NIBAN1: variants seen among roughly 807,000 people sequenced by gnomAD.
NIBAN1 encodes protein Niban 1.
NIBAN1 carries 81 observed loss-of-function variants against 75.1 expected under a neutral mutation model. That is an observed-to-expected ratio of 1.08 (90% CI 0.90 to 1.30). NIBAN1 has a LOEUF of 1.30. Ranked by LOEUF, NIBAN1 falls within the 50% of genes most tolerant of loss-of-function variation. The pLI, the probability that NIBAN1 is intolerant of heterozygous loss-of-function variation, is 0.00. For missense variants in NIBAN1, 1,133 were observed against 1,128.1 expected (o/e 1.00, Z -0.06); for synonymous variants, 436 against 424.8 (o/e 1.03, Z -0.32).
At chr1:184,807,156 G>A (rs1035667387) in intron 10 of NIBAN1, among the ~76,000 whole-genome samples, 2 of 152,100 alleles carry the variant, frequency 1.3e-5, no homozygotes, top group African/African-American at 2.4e-5. Context: ...GTGGGATCTG[G>A]TACAGTGTCC....
At chr1:184,925,809 T>C (rs543032698) in intron 1 of NIBAN1, among the ~76,000 whole-genome samples, 1 of 152,330 alleles carries the variant, frequency 6.6e-6, no homozygotes, top group East Asian at 1.9e-4. Context: ...AAACTTGTAG[T>C]TATTATTTTT....
intron 5 of NIBAN1, among the ~76,000 whole-genome samples, chr1:184,883,594 G>A (rs1656432493): frequency 6.6e-6 from 1 of 152,210 alleles, no homozygotes; most frequent in African/African-American, 2.4e-5. Context: ...TACTATTGAT[G>A]TCACATTGCT....
intron 10 of NIBAN1, 40 bp downstream of exon 10, chr1:184,808,034 C>CTTTA: frequency 1.2e-6 from 2 of 1,611,470 alleles, no homozygotes; most frequent in Non-Finnish European, 1.7e-6. Flanking sequence ...TCTGCTCTCT[C>CTTTA]TTTACCCTCA....
chr1:184,888,563 T>G (rs1656590586), intron 4 of NIBAN1, among the ~76,000 whole-genome samples: 1 of 152,216 alleles, frequency 6.6e-6, no homozygotes, highest in Non-Finnish European at 1.5e-5. Flanking sequence ...CTGTAGAATA[T>G]TCTATTTTAA....
chr1:184,829,274 T>C (rs1011544685), intron 6 of NIBAN1, among the ~76,000 whole-genome samples: 1 of 152,098 alleles, frequency 6.6e-6, no homozygotes, highest in South Asian at 2.1e-4. Context: ...TAGAGACCCA[T>C]ATACATATAC....
At chr1:184,905,357 A>G (rs1657064774) in intron 1 of NIBAN1, among the ~76,000 whole-genome samples, 1 of 152,122 alleles carries the variant, frequency 6.6e-6, no homozygotes, top group Admixed American at 6.6e-5. Context: ...TAGGGGCACA[A>G]CCTTCTGACT....
intron 9 of NIBAN1, among the ~76,000 whole-genome samples, chr1:184,816,807 TGACTAAG>T (rs1654549203): frequency 6.6e-6 from 1 of 150,874 alleles, no homozygotes; most frequent in Admixed American, 6.6e-5. Context: ...GTAACATCAA[TGACTAAG>T]GTTTTGGTCA....
intron 5 of NIBAN1, among the ~76,000 whole-genome samples, chr1:184,867,164 TCTCTCTCA>T (rs935527950): frequency 2.0e-5 from 3 of 151,584 alleles, no homozygotes; most frequent in African/African-American, 7.3e-5. Context: ...TCTCTCTCTC[TCTCTCTCA>T]CACACACACA....
intron 1 of NIBAN1, among the ~76,000 whole-genome samples, chr1:184,949,526 G>A (rs1658308875): frequency 6.6e-6 from 1 of 152,162 alleles, no homozygotes; most frequent in Non-Finnish European, 1.5e-5. Flanking sequence ...CACATACAAA[G>A]GAACTGAGGC....
At chr1:184,834,934 T>C (rs993018771) in intron 5 of NIBAN1, among the ~76,000 whole-genome samples, 10 of 151,952 alleles carry the variant, frequency 6.6e-5, no homozygotes, top group Admixed American at 1.3e-4. Flanking sequence ...TTGTCCTGAA[T>C]AGTATTGCCT....
At chr1:184,905,634 C>A (rs1003285506) in intron 1 of NIBAN1, among the ~76,000 whole-genome samples, 2 of 152,126 alleles carry the variant, frequency 1.3e-5, no homozygotes, top group African/African-American at 4.8e-5. Flanking sequence ...ACCCTTCAAG[C>A]CCACATGACA....
chr1:184,896,421 T>A (rs1656802896), intron 2 of NIBAN1, among the ~76,000 whole-genome samples: 1 of 152,166 alleles, frequency 6.6e-6, no homozygotes, highest in Non-Finnish European at 1.5e-5. Flanking sequence ...TCTTGTTGAG[T>A]TTCTTGTAGA....
At chr1:184,962,162 A>T (rs1658667591) in intron 1 of NIBAN1, among the ~76,000 whole-genome samples, 1 of 152,244 alleles carries the variant, frequency 6.6e-6, no homozygotes. Flanking sequence ...TATAATGATT[A>T]TATGGTTTAA....
At chr1:184,851,867 T>C (rs1171971593) in intron 5 of NIBAN1, among the ~76,000 whole-genome samples, 2 of 151,936 alleles carry the variant, frequency 1.3e-5, no homozygotes, top group Non-Finnish European at 2.9e-5. Context: ...ACTAATCCTC[T>C]TATGACCATG....
At chr1:184,879,639 T>C (rs234653) in intron 5 of NIBAN1, among the ~76,000 whole-genome samples, 13,021 of 152,250 alleles carry the variant, frequency 0.086, 741 homozygotes, top group African/African-American at 0.15. Flanking sequence ...CTGATTTGAA[T>C]TGTAAGGTCC....
At chr1:184,899,115 TA>T (rs1461835181) in intron 2 of NIBAN1, 63 bp downstream of exon 2, 1 of 1,547,432 alleles carries the variant, frequency 6.5e-7, no homozygotes, top group Non-Finnish European at 8.8e-7. Context: ...ATTTCAGAAA[TA>T]CGGCTGTGCT....
intron 6 of NIBAN1, among the ~76,000 whole-genome samples, chr1:184,829,915 G>T (rs957041987): frequency 4.6e-5 from 7 of 152,180 alleles, no homozygotes; most frequent in African/African-American, 1.7e-4. Flanking sequence ...GGTTGGTGTT[G>T]GTCTTTCACT....
chr1:184,852,376 AG>A (rs1450864983), intron 5 of NIBAN1, among the ~76,000 whole-genome samples: 1 of 152,170 alleles, frequency 6.6e-6, no homozygotes, highest in African/African-American at 2.4e-5. Flanking sequence ...CCTGTGTCAT[AG>A]GTGATGTCAT....
intron 1 of NIBAN1, among the ~76,000 whole-genome samples, chr1:184,935,720 G>C (rs1172344775): frequency 6.6e-6 from 1 of 151,428 alleles, no homozygotes; most frequent in East Asian, 1.9e-4. Flanking sequence ...AGGTACCTGG[G>C]AAAAAGAAAG....
Sources: gnomAD v4.1 joint callset for allele counts (sites outside exome capture counted in the v4.1 genomes callset) on GRCh38, gnomAD v4.1.1 for gene constraint, MANE v1.5 for transcripts, NCBI Gene and HGNC (gene_info 2026-07-23, HGNC 2026-07-21) for gene names.